The following NEMP1 variants were observed in gnomAD, a reference collection of about 807,000 sequenced individuals.
NEMP1 encodes the protein transmembrane protein 194.
A neutral mutation model predicts 53.7 loss-of-function variants in NEMP1; 29 were observed. The observed-to-expected ratio is 0.54, with a 90% CI of 0.40 to 0.74. The LOEUF (loss-of-function observed/expected upper bound fraction) is 0.74. Among genes scored for constraint, NEMP1 ranks in the 30% least tolerant of loss-of-function variants. NEMP1 has a pLI of 0.00. For synonymous variants in NEMP1, 193 were observed against 192.9 expected (o/e 1.00, Z 0.00); for missense variants, 477 against 528.6 (o/e 0.90, Z 0.96).
chr12:57,064,833 A>C (rs1478483745), intron 4 of NEMP1, 94 bp from the exon 5 acceptor site: 2 of 935,352 alleles, frequency 2.1e-6, no homozygotes, highest in Non-Finnish European at 3.2e-6. Context: ...AAAGATTTTA[A>C]AAGGTACAAG....
chr12:57,072,409 CA>C (rs1274807117), intron 2 of NEMP1, among the ~76,000 whole-genome samples: 1 of 152,032 alleles, frequency 6.6e-6, no homozygotes, highest in Non-Finnish European at 1.5e-5. Context: ...CACTGCACTC[CA>C]GCCTGGGCGA....
At chr12:57,080,878 G>A (rs1014964579), upstream of NEMP1, among the ~76,000 whole-genome samples, 1 of 148,300 alleles carries the variant, frequency 6.7e-6, no homozygotes, top group Non-Finnish European at 1.5e-5. Flanking sequence ...GTGACAGAGC[G>A]AGCCTCTCTT....
At chr12:57,075,436 T>C (rs1398419850) in intron 1 of NEMP1, among the ~76,000 whole-genome samples, 14 of 139,966 alleles carry the variant, frequency 1.0e-4, no homozygotes, top group African/African-American at 3.7e-4. Flanking sequence ...AATAAATAGT[T>C]GGGAGCCAAG....
At chr12:57,060,218 A>G (rs2031735085) in intron 8 of NEMP1, among the ~76,000 whole-genome samples, 159 bp from the exon 9 acceptor site, 1 of 152,198 alleles carries the variant, frequency 6.6e-6, no homozygotes, top group Non-Finnish European at 1.5e-5. Context: ...AAGTAGACTA[A>G]AGCATGAAGT....
upstream of NEMP1, among the ~76,000 whole-genome samples, chr12:57,081,765 G>A (rs1317210954): frequency 6.6e-6 from 1 of 150,688 alleles, no homozygotes; most frequent in Non-Finnish European, 1.5e-5. Context: ...AAATTAGTCG[G>A]GCGTGGTGGC....
At chr12:57,073,312 C>G (rs985559222) in intron 1 of NEMP1, among the ~76,000 whole-genome samples, 2 of 151,942 alleles carry the variant, frequency 1.3e-5, no homozygotes, top group Non-Finnish European at 2.9e-5. Flanking sequence ...CCACCGTGCC[C>G]GGCTAATTTT....
rs776715482 is a variant in NEMP1, at chr12:57,064,155, C to T, written c.670G>A (p.Gly224Ser). Reference protein sequence around the residue: ...KSPIYVILVGGWSFSLYLIQL... With the variant: ...KSPIYVILVGSWSFSLYLIQL... ...ATGAGGTACAGAGAAAAAGACCAGC[C>T]TCCCACCAGGATGACGTAAATGGGA... The change falls in exon 6 of 9, where the codon GGC (glycine) becomes AGC (serine). Residue 224 changes from glycine (G) to serine (S), a missense_variant. Physicochemically the swap from Gly to Ser is moderately conservative, Grantham distance 56 (BLOSUM62 0). Transcript: ENST00000300128. The T allele has an allele frequency of 6.2e-7, 1 of 1,608,846 alleles. No homozygotes were observed. Among genetic ancestry groups the T allele is most frequent in the Non-Finnish European group, 8.5e-7 (1 of 1,178,110 alleles).
intron 7 of NEMP1, 145 bp from the exon 8 acceptor site, chr12:57,061,090 A>T: frequency 1.3e-6 from 1 of 747,156 alleles, no homozygotes; most frequent in African/African-American, 1.8e-5. Flanking sequence ...GGACATCTTT[A>T]GTTATAATGA....
At chr12:57,078,100 G>A (rs2032718517) in intron 1 of NEMP1, among the ~76,000 whole-genome samples, 2 of 152,104 alleles carry the variant, frequency 1.3e-5, no homozygotes, top group South Asian at 2.1e-4. Context: ...GGGCGGTAAG[G>A]AATCAAGGTT....
intron 1 of NEMP1, among the ~76,000 whole-genome samples, chr12:57,074,465 TTG>T (rs962265756): frequency 2.0e-5 from 3 of 151,908 alleles, no homozygotes; most frequent in African/African-American, 7.3e-5. Flanking sequence ...CTAACTTTTT[TTG>T]TGTGTGTGTA....
At chr12:57,082,021 A>G (rs1237415129), upstream of NEMP1, among the ~76,000 whole-genome samples, 2 of 152,120 alleles carry the variant, frequency 1.3e-5, no homozygotes, top group Non-Finnish European at 2.9e-5. Flanking sequence ...GTTCAAGACC[A>G]GCCTGGCCAC....
At chr12:57,062,536 A>C (rs1216891664) in intron 7 of NEMP1, among the ~76,000 whole-genome samples, 2 of 151,514 alleles carry the variant, frequency 1.3e-5, no homozygotes, top group Non-Finnish European at 2.9e-5. Flanking sequence ...AAAGCGATAC[A>C]ATTTGTGGCG....
chr12:57,076,327 G>A (rs1392612876), intron 1 of NEMP1, among the ~76,000 whole-genome samples: 2 of 151,940 alleles, frequency 1.3e-5, no homozygotes, highest in Admixed American at 6.6e-5. Flanking sequence ...ATTGTGCACT[G>A]CACTCTAGCC....
At chr12:57,084,256 C>G (rs1246715781) in intron 1 of NEMP1, among the ~76,000 whole-genome samples, 1 of 152,186 alleles carries the variant, frequency 6.6e-6, no homozygotes, top group Non-Finnish European at 1.5e-5. Context: ...ACCACAGTAC[C>G]CGGTCAAGCT....
upstream of NEMP1, among the ~76,000 whole-genome samples, chr12:57,082,703 C>T (rs896784467): frequency 6.6e-6 from 1 of 151,968 alleles, no homozygotes; most frequent in Non-Finnish European, 1.5e-5. Flanking sequence ...CAGAGTAAGA[C>T]CTTGTTGCTA....
At chr12:57,074,355 G>A (rs1177070819) in intron 1 of NEMP1, among the ~76,000 whole-genome samples, 2 of 145,478 alleles carry the variant, frequency 1.4e-5, no homozygotes, top group East Asian at 2.0e-4. Context: ...ACAGTGGTGC[G>A]ATCTTGGCTC....
chr12:57,068,406 C>T (rs2032195675), intron 4 of NEMP1, among the ~76,000 whole-genome samples: 1 of 149,300 alleles, frequency 6.7e-6, no homozygotes. Flanking sequence ...GGTTGAAGTA[C>T]AGTGGTGTGA....
At chr12:57,080,873 A>G (rs1323424801), upstream of NEMP1, among the ~76,000 whole-genome samples, 12 of 150,818 alleles carry the variant, frequency 8.0e-5, no homozygotes, top group East Asian at 2.3e-3. Flanking sequence ...CCTGGGTGAC[A>G]GAGCGAGCCT....
intron 4 of NEMP1, among the ~76,000 whole-genome samples, chr12:57,068,019 C>A (rs1445979560): frequency 6.6e-6 from 1 of 152,140 alleles, no homozygotes; most frequent in Non-Finnish European, 1.5e-5. Flanking sequence ...TATCCTCCCC[C>A]TTCAGCCTCC....
Sources: gnomAD v4.1 joint callset for allele counts (sites outside exome capture counted in the v4.1 genomes callset) on GRCh38, gnomAD v4.1.1 for gene constraint, MANE v1.5 for transcripts, NCBI Gene and HGNC (gene_info 2026-07-23, HGNC 2026-07-21) for gene names.